Variants in CHEK1 observed in about 807,000 individuals in gnomAD.
CHEK1 encodes serine/threonine-protein kinase Chk1.
Under a neutral mutation model 60.2 loss-of-function variants are expected in CHEK1, and 32 were observed. That is an observed-to-expected ratio of 0.53 (90% CI 0.40 to 0.71). The LOEUF (loss-of-function observed/expected upper bound fraction) is 0.71, where lower values mean the gene tolerates loss of function less well. Among genes scored for constraint, CHEK1 ranks in the 30% least tolerant of loss-of-function variants. The pLI is 0.00. For synonymous variants in CHEK1, 179 were observed against 187.2 expected (o/e 0.96, Z 0.36); for missense variants, 399 against 564.6 (o/e 0.71, Z 2.97).
At chr11:125,632,599 A>C (rs578057639) in intron 5 of CHEK1, among the ~76,000 whole-genome samples, 59 of 152,280 alleles carry the variant, frequency 3.9e-4, no homozygotes, top group Non-Finnish European at 6.8e-4. Context: ...TGAAGATGGG[A>C]AGTTAGGGTG....
chr11:125,653,712 C>T lies in CHEK1; in HGVS notation c.1234-34C>T. On this transcript the variant is annotated intron_variant, in intron 11 of 12. Transcript: ENST00000438015. The surrounding 1 kb of genome is among the most constrained non-coding windows in gnomAD (Gnocchi z 4.3). ...GGTTTACTAGTTTATTATCTACTCA[C>T]CCATGTGGCTTAACCTTATTTTTGT... is the stretch of plus-strand genomic sequence containing the variant. 1 of 1,051,902 alleles carries T rather than the reference C, an allele frequency of 9.5e-7. No individual in the cohort carries two copies. Among genetic ancestry groups the T allele is most frequent in the Non-Finnish European group, 1.5e-6 (1 of 688,934 alleles). 65.2% of individuals were successfully genotyped at this position (1,051,902 alleles called of 1,614,324 possible). A position where few individuals can be genotyped will look rare whatever the true frequency, so the allele number is the denominator to read the frequency against.
At chr11:125,667,579 A>G (rs114204333) in intron 13 of CHEK1, among the ~76,000 whole-genome samples, 3,075 of 152,052 alleles carry the variant, frequency 0.02, 78 homozygotes, top group African/African-American at 0.067. Flanking sequence ...AATCTCTTTC[A>G]TTTCTTTTTC....
chr11:125,636,024 A>G (rs914901289), intron 7 of CHEK1: 1 of 152,212 alleles, frequency 6.6e-6, no homozygotes, highest in Non-Finnish European at 1.5e-5. Flanking sequence ...GAGCACTGTA[A>G]GGAATTGTAA....
In CHEK1 at chr11:125,672,578, C is replaced by T. The variant is rs181562851; in HGVS notation, c.*28-3350C>T. 3.3e-3 allele frequency: 5,287 copies of T among 1,612,892 alleles called. 13 individuals are homozygous for T. Among genetic ancestry groups the T allele is most frequent in the Non-Finnish European group, 4.2e-3 (4,911 of 1,179,718 alleles). Reference sequence around the variant, plus strand: ...TTTTTACTGCCTGAGTCAAAACAAGCAAGGGCCCAGGCTTCTAGATCTTAT... The same window carrying T: ...TTTTTACTGCCTGAGTCAAAACAAGTAAGGGCCCAGGCTTCTAGATCTTAT... On this transcript the variant is annotated intron_variant, in intron 13 of 13. Transcript: ENST00000428830.
intron 8 of CHEK1, chr11:125,643,323 CAAAAAAAAA>C (rs67970826): frequency 9.3e-6 from 1 of 107,876 alleles, no homozygotes; most frequent in East Asian, 2.6e-4. Context: ...CCTAAAAATA[CAAAAAAAAA>C]AAAAAAAAAA....
At chr11:125,657,174 AATC>A (rs1198694744), downstream of CHEK1, 3 of 145,768 alleles carry the variant, frequency 2.1e-5, no homozygotes, top group East Asian at 3.6e-4. Flanking sequence ...TTGATGGAAA[AATC>A]AACCTATGCT....
chr11:125,637,926 A>G (rs988400636), intron 8 of CHEK1, among the ~76,000 whole-genome samples: 2 of 152,244 alleles, frequency 1.3e-5, no homozygotes, highest in African/African-American at 4.8e-5. Flanking sequence ...GAGAAACTTG[A>G]AAGATCAGTA....
intron 13 of CHEK1, among the ~76,000 whole-genome samples, chr11:125,664,524 C>T (rs997141585): frequency 5.3e-5 from 8 of 152,192 alleles, no homozygotes; most frequent in Non-Finnish European, 1.2e-4. Flanking sequence ...TGTGAGCCAC[C>T]ATGCCTGGCC....
chr11:125,667,671 AG>A (rs2134093329), intron 13 of CHEK1, among the ~76,000 whole-genome samples: 1 of 152,194 alleles, frequency 6.6e-6, no homozygotes, highest in African/African-American at 2.4e-5. Context: ...CCCAGGCTGG[AG>A]GGCAGTGGCA....
Position 125,648,013 on chromosome 11 carries a change from T to C in CHEK1, c.1233+3370T>C, listed in dbSNP as rs530361693. ...ATCCAATAACATGGGGCCTTTTTTT[T>C]CCCATTTTTTTAGGGTCTTTAATTT... On this transcript the variant is annotated intron_variant, in intron 11 of 12. Transcript: ENST00000438015. Among the ~76,000 whole-genome samples, 206 of 152,236 alleles carry C rather than the reference T, an allele frequency of 1.4e-3. 1 individual carries two copies. The highest frequency in any genetic ancestry group is 4.8e-3 in the African/African-American group (198 of 41,572).
Position 125,643,854 on chromosome 11 carries a change from C to A in CHEK1, c.877C>A (p.His293Asn). The change falls in exon 9 of 13, where the codon CAC (histidine) becomes AAC (asparagine). Residue 293 changes from histidine to asparagine, a missense_variant. Around this residue, in one of 2 missense-constraint regions of CHEK1, gnomAD observed 370 missense variants for 494.8 expected, o/e 0.75. Transcript: ENST00000438015. ...VSESPSGFSK[H>N]IQSNLDFSPV... ...AGAGTCTCCCAGTGGATTTTCTAAG[C>A]ACATTCAATCCAATTTGGACTTCTC... 6.2e-7 allele frequency: 1 copy of A among 1,614,144 alleles called. No individual in the cohort carries two copies. The highest frequency in any genetic ancestry group is 8.5e-7 in the Non-Finnish European group (1 of 1,180,022).
chr11:125,633,427 A>G, intron 6 of CHEK1, 76 bp downstream of exon 6: 1 of 1,261,362 alleles, frequency 7.9e-7, no homozygotes, highest in Non-Finnish European at 1.1e-6. Flanking sequence ...AAATAAACCA[A>G]GGAATTCATG....
chr11:125,627,892 G>A, intron 3 of CHEK1, 62 bp downstream of exon 3: 1 of 1,288,444 alleles, frequency 7.8e-7, no homozygotes, highest in East Asian at 2.5e-5. Flanking sequence ...TTTAAATCTT[G>A]GGCATGCTAT....
downstream of CHEK1, chr11:125,677,738 A>G: frequency 6.3e-7 from 1 of 1,596,162 alleles, no homozygotes; most frequent in Non-Finnish European, 8.6e-7. Flanking sequence ...GGTTTTCTTG[A>G]TGTGTTCCCC....
intron 3 of CHEK1, 109 bp from the exon 4 acceptor site, chr11:125,629,123 T>G: frequency 9.7e-7 from 1 of 1,025,904 alleles, no homozygotes. Context: ...TGGCATTTGC[T>G]TCTGTTTGCC....
intron 1 of CHEK1, chr11:125,626,253 C>A (rs962632888): frequency 2.6e-5 from 14 of 548,158 alleles, no homozygotes. Context: ...AGAGTCCCAG[C>A]CCTTCCTTTC....
chr11:125,648,604 T>C (rs950115308), intron 11 of CHEK1, among the ~76,000 whole-genome samples: 11 of 151,906 alleles, frequency 7.2e-5, no homozygotes, highest in Non-Finnish European at 1.5e-4. Context: ...ATTACATTGT[T>C]TATCAATAGA....
At chr11:125,677,975 G>A (rs777369541), downstream of CHEK1, 41 of 1,612,258 alleles carry the variant, frequency 2.5e-5, no homozygotes, top group Non-Finnish European at 3.0e-5. Flanking sequence ...GCTGTTCTCC[G>A]GAGAGGTGTT....
chr11:125,658,256 A>T (rs1349096395), downstream of CHEK1, among the ~76,000 whole-genome samples: 1 of 152,068 alleles, frequency 6.6e-6, no homozygotes, highest in Admixed American at 6.6e-5. Context: ...TTTTGTAGAG[A>T]CAGGGTCTCA....
Sources: allele counts gnomAD v4.1 joint callset (sites outside exome capture counted in the v4.1 genomes callset), GRCh38; gene constraint gnomAD v4.1.1; regional missense constraint gnomAD v4.1.1; non-coding constraint Gnocchi (gnomAD v3.1); transcripts MANE v1.5; gene names NCBI Gene and HGNC (gene_info 2026-07-23, HGNC 2026-07-21).